Variants in FZD2 observed in about 807,000 individuals in gnomAD.
FZD2 encodes the protein frizzled-2.
A neutral mutation model predicts 36.7 loss-of-function variants in FZD2; 17 were observed. The ratio of observed to expected loss-of-function variants is 0.46; its 90% CI spans 0.32 to 0.70. The LOEUF (loss-of-function observed/expected upper bound fraction) is 0.70. Ranked by LOEUF, FZD2 falls within the 30% of genes least tolerant of loss-of-function variation. FZD2 has a pLI of 0.04. For synonymous variants in FZD2, 333 were observed against 359.6 expected (o/e 0.93, Z 0.84); for missense variants, 525 against 805.6 (o/e 0.65, Z 4.22).
Position 44,559,434 on chromosome 17 carries a change from T to C in FZD2, c.*48T>C, listed in dbSNP as rs765888947. 1 of 1,506,296 alleles carries C rather than the reference T, an allele frequency of 6.6e-7. No individual in the cohort carries two copies. The highest frequency in any genetic ancestry group is 8.8e-7 in the Non-Finnish European group (1 of 1,131,182). The allele number at this position is 1,506,296 out of a possible 1,614,324, so 93.3% of individuals were successfully genotyped here. Reference sequence around the variant, plus strand: ...GCGCGGCGCTTTCCTCCGCCCGGGGTGGGGCCCCTACAGACTCCGTATTTT... The same window carrying C: ...GCGCGGCGCTTTCCTCCGCCCGGGGCGGGGCCCCTACAGACTCCGTATTTT... On this transcript the variant is annotated 3_prime_UTR_variant, in exon 1 of 1. Coordinates refer to ENST00000315323, the MANE Select transcript of FZD2 (RefSeq NM_001466.4). The surrounding 1 kb of genome is among the most constrained non-coding windows in gnomAD (Gnocchi z 4.4).
chr17:44,558,091 C>A lies in FZD2; in HGVS notation c.403C>A (p.Arg135Ser), dbSNP rs766237073. Residue 135 changes from arginine to serine, a missense_variant, in exon 1 of 1, where the codon CGC becomes AGC. By Grantham distance (110) the Arg-to-Ser change is moderately radical (BLOSUM62 -1). This residue lies in a region of FZD2 where 257 missense variants were observed against 344.4 expected (regional missense o/e 0.75). Coordinates refer to ENST00000315323, the MANE Select transcript of FZD2 (RefSeq NM_001466.4). The surrounding 1 kb of genome is among the most constrained non-coding windows in gnomAD (Gnocchi z 9.3). The stretch of plus-strand genomic sequence containing the variant: ...CAAGTTCGGTTTTCAGTGGCCCGAG[C>A]GCCTGCGCTGCGAGCACTTCCCGCG... ...MNKFGFQWPE[R>S]LRCEHFPRHG... is the part of the protein sequence containing the mutation. The A allele has an allele frequency of 1.5e-4, 245 of 1,607,926 alleles. No individual in the cohort carries two copies. Among genetic ancestry groups the A allele is most frequent in the Non-Finnish European group, 1.9e-4 (226 of 1,179,884 alleles).
rs1970881744 is a variant in FZD2 at position 44,560,964 on chromosome 17, T to C, written c.*1578T>C. ...CTCCTGACCTCGTTATCTGCCTGCC[T>C]CGGCCTCCTAAAGTGCTGGGATTAC... On this transcript the variant is annotated 3_prime_UTR_variant, in exon 1 of 1. Transcript: ENST00000315323. 6.6e-6 allele frequency among the ~76,000 whole-genome samples: 1 copy of C among 152,230 alleles called. No homozygotes were observed. The highest frequency in any genetic ancestry group is 2.4e-5 in the African/African-American group (1 of 41,458).
Position 44,558,785 on chromosome 17 carries a change from A to G in FZD2, c.1097A>G (p.Glu366Gly), listed in dbSNP as rs778973007. ...ATGAAGTGGGGCCACGAGGCCATCG[A>G]GGCCAACTCTCAGTACTTCCACCTG... Reference protein sequence around the residue: ...AGMKWGHEAIEANSQYFHLAA... With the variant: ...AGMKWGHEAIGANSQYFHLAA... The change falls in exon 1 of 1, where the codon GAG (glutamate) becomes GGG (glycine). Residue 366 changes from glutamate to glycine, a missense_variant. Physicochemically the swap from Glu to Gly is moderately conservative, Grantham distance 98. Coordinates refer to ENST00000315323, the MANE Select transcript of FZD2 (RefSeq NM_001466.4). This position sits in a 1 kb window ranked among gnomAD's most constrained non-coding sequence, Gnocchi z 9.3. 2 of 1,614,112 alleles carry G rather than the reference A, an allele frequency of 1.2e-6. No homozygotes were observed. Among genetic ancestry groups the G allele is most frequent in the Non-Finnish European group, 1.7e-6 (2 of 1,180,046 alleles).
In FZD2 at chr17:44,559,844, T is replaced by C. The variant is rs911319071; in HGVS notation, c.*458T>C. 1.4e-4 allele frequency among the ~76,000 whole-genome samples: 21 copies of C among 152,220 alleles called. No individual in the cohort carries two copies. The highest frequency in any genetic ancestry group is 5.1e-4 in the African/African-American group (21 of 41,460). On this transcript the variant is annotated 3_prime_UTR_variant, in exon 1 of 1. Transcript: ENST00000315323. The surrounding 1 kb of genome is among the most constrained non-coding windows in gnomAD (Gnocchi z 4.4). The stretch of plus-strand genomic sequence containing the variant: ...AGGAGTTTGTTCCATTCAACTAATA[T>C]AAAAGCCAAATTTGTGAGCCTCCTC...
At position 44,557,647 on chromosome 17, in the gene FZD2, CG is replaced by C. The variant is rs986519630; in HGVS notation, c.-34del. The C allele has an allele frequency of 1.3e-4, 139 of 1,050,900 alleles. 1 individual carries two copies. The highest frequency in any genetic ancestry group is 2.1e-4 in the African/African-American group (12 of 56,780). 65.1% of individuals were successfully genotyped at this position (1,050,900 alleles called of 1,614,324 possible). ...GCAGTCTCCGGGTTGGGGGCGGGGGCGGGGGGGGCGCCAAGGAGCCGGGTGG... is the reference window on the plus strand; with the variant it reads ...GCAGTCTCCGGGTTGGGGGCGGGGGCGGGGGGGCGCCAAGGAGCCGGGTGG... On this transcript the variant is annotated 5_prime_UTR_variant, in exon 1 of 1. Transcript: ENST00000315323. This position sits in a 1 kb window ranked among gnomAD's most constrained non-coding sequence, Gnocchi z 4.9.
At position 44,560,941 on chromosome 17, in the gene FZD2, C is replaced by G. The variant is rs2144576023; in HGVS notation, c.*1555C>G. Among the ~76,000 whole-genome samples, 1 of 152,316 alleles carries G rather than the reference C, an allele frequency of 6.6e-6. No individual in the cohort carries two copies. Among genetic ancestry groups the G allele is most frequent in the East Asian group, 1.9e-4 (1 of 5,172 alleles). On this transcript the variant is annotated 3_prime_UTR_variant, in exon 1 of 1. Coordinates refer to ENST00000315323, the MANE Select transcript of FZD2 (RefSeq NM_001466.4). ...ATATTGGCCAGGCTGGTCTCGAACTCCTGACCTCGTTATCTGCCTGCCTCG... is the reference window on the plus strand; with the variant it reads ...ATATTGGCCAGGCTGGTCTCGAACTGCTGACCTCGTTATCTGCCTGCCTCG...
chr17:44,559,402 C>T lies in FZD2; in HGVS notation c.*16C>T. 3.2e-6 allele frequency: 5 copies of T among 1,562,896 alleles called. No individual in the cohort carries two copies. The highest frequency in any genetic ancestry group is 1.4e-5 in the African/African-American group (1 of 73,538). On this transcript the variant is annotated 3_prime_UTR_variant, in exon 1 of 1. Coordinates refer to ENST00000315323, the MANE Select transcript of FZD2 (RefSeq NM_001466.4). This position sits in a 1 kb window ranked among gnomAD's most constrained non-coding sequence, Gnocchi z 4.4. ...CACCGTGTGAGGGACGCCCCCAGGC[C>T]GGAACCGCGCGGCGCTTTCCTCCGC... is the stretch of plus-strand genomic sequence containing the variant.
In FZD2 at chr17:44,558,515, C is replaced by A; in HGVS notation, c.827C>A (p.Pro276Gln). 1 of 1,585,224 alleles carries A rather than the reference C, an allele frequency of 6.3e-7. No homozygotes were observed. The highest frequency in any genetic ancestry group is 8.6e-7 in the Non-Finnish European group (1 of 1,165,948). The change falls in exon 1 of 1, where the codon CCA (proline) becomes CAA (glutamine). Residue 276 changes from proline (P) to glutamine (Q), a missense_variant. Physicochemically the swap from Pro to Gln is moderately conservative, Grantham distance 76 (BLOSUM62 -1). This residue lies in a region of FZD2 where 257 missense variants were observed against 344.4 expected (regional missense o/e 0.75). Transcript: ENST00000315323. This position sits in a 1 kb window ranked among gnomAD's most constrained non-coding sequence, Gnocchi z 9.3. ...YLVDMQRFRY[P>Q]ERPIIFLSGC... is the part of the protein sequence containing the mutation. Reference sequence around the variant, plus strand: ...GTAGACATGCAGCGCTTCCGCTACCCAGAGCGGCCTATCATTTTTCTGTCG... The same window carrying A: ...GTAGACATGCAGCGCTTCCGCTACCAAGAGCGGCCTATCATTTTTCTGTCG...
chr17:44,560,288 T>G lies in FZD2; in HGVS notation c.*902T>G, dbSNP rs191691445. Among the ~76,000 whole-genome samples, 78 of 152,256 alleles carry G rather than the reference T, an allele frequency of 5.1e-4. No homozygotes were observed. Among genetic ancestry groups the G allele is most frequent in the Non-Finnish European group, 2.8e-4 (19 of 68,020 alleles). On this transcript the variant is annotated 3_prime_UTR_variant, in exon 1 of 1. Coordinates refer to ENST00000315323, the MANE Select transcript of FZD2 (RefSeq NM_001466.4). ...GGGGAAGCATTCGCCTTTGAGCACT[T>G]GTTTGCAAATCTGGGGAGTTTGAGA...
chr17:44,557,508 GC>G lies in FZD2; in HGVS notation c.-180del. 2.0e-6 allele frequency: 1 copy of G among 496,734 alleles called. No homozygotes were observed. Among genetic ancestry groups the G allele is most frequent in the Non-Finnish European group, 3.6e-6 (1 of 273,988 alleles). 30.8% of individuals were successfully genotyped at this position (496,734 alleles called of 1,614,324 possible). On this transcript the variant is annotated 5_prime_UTR_variant, in exon 1 of 1. Coordinates refer to ENST00000315323, the MANE Select transcript of FZD2 (RefSeq NM_001466.4). This position sits in a 1 kb window ranked among gnomAD's most constrained non-coding sequence, Gnocchi z 4.9. ...CAGTCCGACCGCGGCAAGCAAGCGG[GC>G]AGGCGCACCGCCCCCTCCCCCGCCC...
Position 44,558,229 on chromosome 17 carries a change from G to A in FZD2, c.541G>A (p.Gly181Ser). ...GCAGCCGGGTGCCGGGGGCACCCCG[G>A]GTGGCCCGGGCGGCGGCGGCGCTCC... ...GLQPGAGGTP[G>S]GPGGGGAPPR... The change falls in exon 1 of 1, where the codon GGT becomes AGT. Residue 181 changes from glycine (G) to serine (S), a missense_variant. This residue lies in a region of FZD2 where 257 missense variants were observed against 344.4 expected (regional missense o/e 0.75). Transcript: ENST00000315323. This position sits in a 1 kb window ranked among gnomAD's most constrained non-coding sequence, Gnocchi z 9.3. 1 of 1,395,530 alleles carries A rather than the reference G, an allele frequency of 7.2e-7. No individual in the cohort carries two copies. Among genetic ancestry groups the A allele is most frequent in the African/African-American group, 1.5e-5 (1 of 66,260 alleles). The allele number at this position is 1,395,530 out of a possible 1,614,324, so 86.4% of individuals were successfully genotyped here.
Position 44,559,489 on chromosome 17 carries a change from A to G in FZD2, c.*103A>G. 7.1e-7 allele frequency: 1 copy of G among 1,412,670 alleles called. No homozygotes were observed. The highest frequency in any genetic ancestry group is 9.2e-7 in the Non-Finnish European group (1 of 1,087,402). 87.5% of individuals were successfully genotyped at this position (1,412,670 alleles called of 1,614,324 possible). A position where few individuals can be genotyped will look rare whatever the true frequency, so the allele number is the denominator to read the frequency against. ...TTTTAAATAAAAAACGATCGAAACC[A>G]TTTCACTTTTAGGTTGCTTTTTAAA... On this transcript the variant is annotated 3_prime_UTR_variant, in exon 1 of 1. Coordinates refer to ENST00000315323, the MANE Select transcript of FZD2 (RefSeq NM_001466.4). The surrounding 1 kb of genome is among the most constrained non-coding windows in gnomAD (Gnocchi z 4.4).
rs1182259253 is a variant in FZD2, at chr17:44,557,971, A to T, written c.283A>T (p.Met95Leu). The change falls in exon 1 of 1, where the codon ATG (methionine) becomes TTG (leucine). Residue 95 changes from methionine (M) to leucine (L), a missense_variant. Physicochemically the swap from Met to Leu is conservative, Grantham distance 15. Transcript: ENST00000315323. The surrounding 1 kb of genome is among the most constrained non-coding windows in gnomAD (Gnocchi z 4.9). ...CGAACTGCGCTTCTTCCTGTGCTCC[A>T]TGTACGCACCCGTGTGCACCGTGCT... ...SPELRFFLCS[M>L]YAPVCTVLEQ... 4.3e-6 allele frequency: 7 copies of T among 1,613,890 alleles called. No individual in the cohort carries two copies. In the Admixed American group the frequency reaches 6.7e-5, roughly 15 times the overall value.
At position 44,558,888 on chromosome 17, in the gene FZD2, C is replaced by T. The variant is rs1203993886; in HGVS notation, c.1200C>T (p.Gly400=). ...MGQIDGDLLS[G]VCFVGLNSLD... is the part of the protein sequence containing the mutation. ...AGATCGACGGCGACCTGCTGAGCGG[C>T]GTGTGCTTCGTAGGCCTCAACAGCC... The change falls in exon 1 of 1, where the codon GGC becomes GGT. Residue 400 remains glycine (G), a synonymous_variant. Coordinates refer to ENST00000315323, the MANE Select transcript of FZD2 (RefSeq NM_001466.4). This position sits in a 1 kb window ranked among gnomAD's most constrained non-coding sequence, Gnocchi z 9.3. 6.2e-7 allele frequency: 1 copy of T among 1,612,428 alleles called. No homozygotes were observed. The highest frequency in any genetic ancestry group is 8.5e-7 in the Non-Finnish European group (1 of 1,179,394).
In FZD2 at chr17:44,558,636, C is replaced by T; in HGVS notation, c.948C>T (p.Arg316=). The T allele has an allele frequency of 1.9e-6, 3 of 1,614,228 alleles. No homozygotes were observed. The highest frequency in any genetic ancestry group is 2.5e-6 in the Non-Finnish European group (3 of 1,180,034). The change falls in exon 1 of 1, where the codon CGC becomes CGT. Residue 316 remains arginine, a synonymous_variant. Coordinates refer to ENST00000315323, the MANE Select transcript of FZD2 (RefSeq NM_001466.4). This position sits in a 1 kb window ranked among gnomAD's most constrained non-coding sequence, Gnocchi z 9.3. ...CNERFSEDGY[R]TVVQGTKKEG... is the part of the protein sequence containing the mutation. ...AGCGCTTCTCCGAGGACGGTTACCGCACGGTGGTGCAGGGCACCAAGAAGG... is the reference window on the plus strand; with the variant it reads ...AGCGCTTCTCCGAGGACGGTTACCGTACGGTGGTGCAGGGCACCAAGAAGG...
In FZD2 at chr17:44,557,961, C is replaced by T. The variant is rs961407588; in HGVS notation, c.273C>T (p.Phe91=). 8.7e-6 allele frequency: 14 copies of T among 1,614,004 alleles called. No individual in the cohort carries two copies. Among genetic ancestry groups the T allele is most frequent in the Non-Finnish European group, 1.2e-5 (14 of 1,180,004 alleles). Residue 91 remains phenylalanine (F), a synonymous_variant, in exon 1 of 1, where the codon TTC becomes TTT. Coordinates refer to ENST00000315323, the MANE Select transcript of FZD2 (RefSeq NM_001466.4). The surrounding 1 kb of genome is among the most constrained non-coding windows in gnomAD (Gnocchi z 4.9). ...KVQCSPELRF[F]LCSMYAPVCT... is the part of the protein sequence containing the mutation. ...AGTGCTCGCCCGAACTGCGCTTCTT[C>T]CTGTGCTCCATGTACGCACCCGTGT...
At position 44,558,552 on chromosome 17, in the gene FZD2, C is replaced by T. The variant is rs750264012; in HGVS notation, c.864C>T (p.Thr288=). ...RPIIFLSGCY[T]MVSVAYIAGF... ...TCATTTTTCTGTCGGGCTGCTACAC[C>T]ATGGTGTCGGTGGCCTACATCGCGG... The change falls in exon 1 of 1, where the codon ACC becomes ACT. Residue 288 remains threonine, a synonymous_variant. Transcript: ENST00000315323. The surrounding 1 kb of genome is among the most constrained non-coding windows in gnomAD (Gnocchi z 9.3). The T allele has an allele frequency of 1.1e-5, 18 of 1,600,934 alleles. No individual in the cohort carries two copies. The East Asian group carries it at 4.0e-4, about 36-fold the overall frequency.
rs750684480 is a variant in FZD2 at position 44,558,729 on chromosome 17, C to A, written c.1041C>A (p.Ile347=). ...FSMASSIWWV[I]LSLTWFLAAG... is the part of the protein sequence containing the mutation. ...TGGCCAGCTCCATCTGGTGGGTCAT[C>A]CTGTCGCTCACCTGGTTCCTGGCAG... Residue 347 remains isoleucine (I), a synonymous_variant, in exon 1 of 1, where the codon ATC becomes ATA. Transcript: ENST00000315323. This position sits in a 1 kb window ranked among gnomAD's most constrained non-coding sequence, Gnocchi z 9.3. 6.2e-7 allele frequency: 1 copy of A among 1,614,246 alleles called. No individual in the cohort carries two copies.
rs1367603297 is a variant in FZD2, at chr17:44,559,924, G to C, written c.*538G>C. On this transcript the variant is annotated 3_prime_UTR_variant, in exon 1 of 1. Transcript: ENST00000315323. This position sits in a 1 kb window ranked among gnomAD's most constrained non-coding sequence, Gnocchi z 4.4. ...ATATTTTTGAACAGGACTTGGATTCGTTTTGTTTCCTTCCCCCTTTTCTTT... is the reference window on the plus strand; with the variant it reads ...ATATTTTTGAACAGGACTTGGATTCCTTTTGTTTCCTTCCCCCTTTTCTTT... Among the ~76,000 whole-genome samples, 3 of 152,148 alleles carry C rather than the reference G, an allele frequency of 2.0e-5. No homozygotes were observed. The highest frequency in any genetic ancestry group is 7.2e-5 in the African/African-American group (3 of 41,428).
Sources: allele counts gnomAD v4.1 joint callset (sites outside exome capture counted in the v4.1 genomes callset), GRCh38; gene constraint gnomAD v4.1.1; regional missense constraint gnomAD v4.1.1; non-coding constraint Gnocchi (gnomAD v3.1); transcripts MANE v1.5; gene names NCBI Gene and HGNC (gene_info 2026-07-23, HGNC 2026-07-21).